BCAT1: variants seen among roughly 807,000 people sequenced by gnomAD.
The protein encoded by BCAT1 is branched chain amino acid transaminase 1, also known as branched-chain-amino-acid aminotransferase, cytosolic.
Under a neutral mutation model 52.4 loss-of-function variants are expected in BCAT1, and 48 were observed. The ratio of observed to expected loss-of-function variants is 0.92; its 90% CI spans 0.73 to 1.16. The LOEUF is 1.16. Ranked by LOEUF, BCAT1 falls within the 50% of genes most tolerant of loss-of-function variation. The probability of loss-of-function intolerance (pLI) is 0.00; values close to 1 mark genes in which losing one functional copy is unlikely to be tolerated. For synonymous variants in BCAT1, 167 were observed against 161.3 expected (o/e 1.04, Z -0.27); for missense variants, 451 against 457.1 (o/e 0.99, Z 0.12).
intron 1 of BCAT1, among the ~76,000 whole-genome samples, chr12:24,927,798 T>C (rs1565502323): frequency 2.6e-5 from 4 of 152,232 alleles, no homozygotes; most frequent in Admixed American, 2.0e-4. Context: ...TAACCATTCA[T>C]TGAATGACCT....
At chr12:24,819,215 G>A (rs1940007554) in intron 10 of BCAT1, among the ~76,000 whole-genome samples, 1 of 151,846 alleles carries the variant, frequency 6.6e-6, no homozygotes, top group Non-Finnish European at 1.5e-5. Flanking sequence ...GACTGACTTG[G>A]AACAGATCTT....
In BCAT1 at chr12:24,903,372, G is replaced by A. The variant is rs1329860453; in HGVS notation, c.7-1487C>T. 4 of 198,988 alleles carry A rather than the reference G, an allele frequency of 2.0e-5. No individual in the cohort carries two copies. The East Asian group carries it at 4.6e-4, about 23-fold the overall frequency. 12.3% of individuals were successfully genotyped at this position (198,988 alleles called of 1,614,324 possible). On this transcript the variant is annotated intron_variant, in intron 1 of 10. Coordinates refer to ENST00000261192, the MANE Select transcript of BCAT1 (RefSeq NM_005504.7). Reference sequence around the variant, plus strand: ...TGGCCGGGAAGCGCCCCTCGGTCAAGGCTAAGGAAACCTCGGAGAAACTAC... The same window carrying A: ...TGGCCGGGAAGCGCCCCTCGGTCAAAGCTAAGGAAACCTCGGAGAAACTAC...
At chr12:24,937,958 G>A (rs1386662752) in intron 1 of BCAT1, among the ~76,000 whole-genome samples, 1 of 152,144 alleles carries the variant, frequency 6.6e-6, no homozygotes, top group African/African-American at 2.4e-5. Context: ...GCTGGCATAT[G>A]AGGAATGTAG....
At chr12:24,916,331 C>A (rs1943406346) in intron 1 of BCAT1, among the ~76,000 whole-genome samples, 1 of 152,066 alleles carries the variant, frequency 6.6e-6, no homozygotes, top group Non-Finnish European at 1.5e-5. Context: ...AAGTTAGAAA[C>A]GCTATAAAGG....
intron 7 of BCAT1, among the ~76,000 whole-genome samples, chr12:24,840,354 G>C (rs1005790956): frequency 6.6e-6 from 1 of 152,078 alleles, no homozygotes. Context: ...GGGTAAGAGT[G>C]GGCAGATGGG....
intron 5 of BCAT1, among the ~76,000 whole-genome samples, chr12:24,855,986 T>C (rs1337560386): frequency 1.3e-5 from 2 of 152,076 alleles, no homozygotes; most frequent in African/African-American, 2.4e-5. Flanking sequence ...AATCAGAAAA[T>C]ATTTGGATTT....
intron 5 of BCAT1, among the ~76,000 whole-genome samples, chr12:24,874,159 C>T (rs1332336431): frequency 6.6e-6 from 1 of 151,872 alleles, no homozygotes; most frequent in East Asian, 1.9e-4. Flanking sequence ...ACTAAAAGTA[C>T]AAAAATTAGC....
intron 5 of BCAT1, among the ~76,000 whole-genome samples, chr12:24,865,311 T>G (rs369549488): frequency 4.7e-4 from 72 of 152,360 alleles, no homozygotes; most frequent in African/African-American, 1.6e-3. Flanking sequence ...TCCATCTTAG[T>G]AACTGATTAC....
intron 3 of BCAT1, among the ~76,000 whole-genome samples, chr12:24,885,364 AAT>A (rs1334727150): frequency 5.3e-5 from 8 of 152,206 alleles, no homozygotes; most frequent in Non-Finnish European, 1.2e-4. Context: ...CCATAAGGAA[AAT>A]ATAAAACTTT....
chr12:24,867,280 A>G (rs1322666659), intron 5 of BCAT1, among the ~76,000 whole-genome samples: 1 of 151,802 alleles, frequency 6.6e-6, no homozygotes, highest in Non-Finnish European at 1.5e-5. Flanking sequence ...GAAGTCAGTG[A>G]GACCAAGAAC....
chr12:24,858,276 A>G (rs550897893), intron 5 of BCAT1, among the ~76,000 whole-genome samples: 1 of 152,332 alleles, frequency 6.6e-6, no homozygotes, highest in South Asian at 2.1e-4. Context: ...GCTCTAATTA[A>G]TTGGCTTGAA....
chr12:24,926,832 G>C (rs944868754), intron 1 of BCAT1, among the ~76,000 whole-genome samples: 1 of 152,130 alleles, frequency 6.6e-6, no homozygotes, highest in Non-Finnish European at 1.5e-5. Context: ...GAAGGCCGCA[G>C]GGTCCTCTGC....
intron 10 of BCAT1, among the ~76,000 whole-genome samples, chr12:24,820,670 C>A (rs1352939542): frequency 6.6e-6 from 1 of 152,106 alleles, no homozygotes; most frequent in Non-Finnish European, 1.5e-5. Flanking sequence ...TCAGGTCGAG[C>A]CTGCGGGATG....
chr12:24,918,070 AC>A (rs1402138807), intron 1 of BCAT1, among the ~76,000 whole-genome samples: 44 of 152,350 alleles, frequency 2.9e-4, no homozygotes, highest in African/African-American at 1.0e-3. Flanking sequence ...TTCGAAGTCC[AC>A]TTTGTTCTGT....
chr12:24,854,296 T>G (rs560252102), intron 5 of BCAT1, among the ~76,000 whole-genome samples: 1 of 152,338 alleles, frequency 6.6e-6, no homozygotes, highest in African/African-American at 2.4e-5. Context: ...TGTGCAGGCT[T>G]GAGAATAATT....
intron 3 of BCAT1, among the ~76,000 whole-genome samples, chr12:24,892,619 A>G (rs1353800805): frequency 6.6e-6 from 1 of 152,204 alleles, no homozygotes; most frequent in Non-Finnish European, 1.5e-5. Flanking sequence ...TGAAGAAGCC[A>G]AGGCAAGAGG....
chr12:24,894,332 C>A lies in BCAT1; in HGVS notation c.222G>T (p.Lys74Asn), dbSNP rs771158462. 3 of 1,613,808 alleles carry A rather than the reference C, an allele frequency of 1.9e-6. No individual in the cohort carries two copies. The highest frequency in any genetic ancestry group is 2.5e-6 in the Non-Finnish European group (3 of 1,179,880). ...SEFGWEKPHIKPLQNLSLHPG... is the reference protein window; with the variant it reads ...SEFGWEKPHINPLQNLSLHPG... ...GGTGCAATGACAGGTTCTGAAGAGG[C>A]TTGATATGAGGTTTCTCCCATCCAA... Residue 74 changes from lysine to asparagine, a missense_variant, in exon 3 of 11, where the codon AAG becomes AAT. Lys to Asn is a moderately conservative substitution (Grantham distance 94, BLOSUM62 0). Transcript: ENST00000261192.
At chr12:24,899,353 T>A (rs11609552) in intron 2 of BCAT1, among the ~76,000 whole-genome samples, 25,194 of 152,104 alleles carry the variant, frequency 0.17, 2,193 homozygotes, top group Middle Eastern at 0.27. Context: ...ACAGTTAGAA[T>A]GGTTATTATT....
intron 6 of BCAT1, among the ~76,000 whole-genome samples, chr12:24,849,445 C>T (rs887899896): frequency 2.0e-5 from 3 of 152,210 alleles, no homozygotes; most frequent in Non-Finnish European, 4.4e-5. Flanking sequence ...GAGACCAGCG[C>T]CCAGGGGAAG....
Sources: gnomAD v4.1 joint callset for allele counts (sites outside exome capture counted in the v4.1 genomes callset) on GRCh38, gnomAD v4.1.1 for gene constraint, MANE v1.5 for transcripts, NCBI Gene and HGNC (gene_info 2026-07-23, HGNC 2026-07-21) for gene names.